The following ANP32A variants were observed in gnomAD, a reference collection of about 807,000 sequenced individuals.
ANP32A encodes the protein acidic nuclear phosphoprotein 32 family member A, also known as acidic leucine-rich nuclear phosphoprotein 32 family member A.
ANP32A carries 1 observed loss-of-function variant against 33.9 expected under a neutral mutation model. The ratio of observed to expected loss-of-function variants is 0.03; its 90% CI spans 0.01 to 0.14. The LOEUF (loss-of-function observed/expected upper bound fraction) is 0.14. ANP32A is among the 10% of genes least tolerant of loss of function. ANP32A has a pLI of 1.00. For missense variants in ANP32A, 155 were observed against 306.0 expected, an observed-to-expected ratio of 0.51 and a Z score of 3.68; for synonymous variants, 115 against 120.5, an observed-to-expected ratio of 0.95 and a Z score of 0.30.
chr15:68,817,358 C>T (rs1894396884), intron 1 of ANP32A: 1 of 152,332 alleles, frequency 6.6e-6, no homozygotes, highest in Non-Finnish European at 1.5e-5. Flanking sequence ...GCTGCAACAT[C>T]CACCTGAAAC....
chr15:68,819,263 G>C (rs1369528501), intron 1 of ANP32A, among the ~76,000 whole-genome samples: 1 of 151,774 alleles, frequency 6.6e-6, no homozygotes, highest in Non-Finnish European at 1.5e-5. Context: ...GTCCCCCCAA[G>C]GGGCCAAGAG....
Position 68,787,264 on chromosome 15 carries a change from C to T in ANP32A, c.327+149G>A, listed in dbSNP as rs1893944307. 1.2e-5 allele frequency: 14 copies of T among 1,160,596 alleles called. No individual in the cohort carries two copies. In the South Asian group the frequency reaches 2.1e-4, roughly 17 times the overall value. 71.9% of individuals were successfully genotyped at this position (1,160,596 alleles called of 1,614,324 possible). ...GGCCTCAGTTTCTCTATGGACTCAG[C>T]AGAAACAATAGCTCAATTCTATCTC... On this transcript the variant is annotated intron_variant, in intron 3 of 6. Coordinates refer to ENST00000465139, the MANE Select transcript of ANP32A (RefSeq NM_006305.4).
chr15:68,816,028 C>T (rs1894375414), intron 1 of ANP32A, among the ~76,000 whole-genome samples: 2 of 152,180 alleles, frequency 1.3e-5, no homozygotes, highest in African/African-American at 4.8e-5. Flanking sequence ...AAGGCCAGAT[C>T]CACTTCAACC....
At chr15:68,797,692 C>T (rs900304004) in intron 1 of ANP32A, among the ~76,000 whole-genome samples, 3 of 152,166 alleles carry the variant, frequency 2.0e-5, no homozygotes, top group Non-Finnish European at 4.4e-5. Flanking sequence ...TTGCATGTTA[C>T]GGTTTACAAA....
At chr15:68,807,128 T>A (rs1456222865) in intron 1 of ANP32A, among the ~76,000 whole-genome samples, 1 of 152,212 alleles carries the variant, frequency 6.6e-6, no homozygotes, top group African/African-American at 2.4e-5. Flanking sequence ...TCCCCAGGAC[T>A]TTTACCTTTA....
intron 1 of ANP32A, among the ~76,000 whole-genome samples, chr15:68,816,170 T>A (rs1894377561): frequency 6.6e-6 from 1 of 152,156 alleles, no homozygotes; most frequent in African/African-American, 2.4e-5. Flanking sequence ...CATTTCAGCG[T>A]CTTCAATAAT....
chr15:68,814,785 C>T (rs1250197269), intron 1 of ANP32A, among the ~76,000 whole-genome samples: 1 of 146,386 alleles, frequency 6.8e-6, no homozygotes, highest in Non-Finnish European at 1.5e-5. Flanking sequence ...CTAGAGATTC[C>T]AGGATTATCT....
At chr15:68,807,769 C>T (rs983382455) in intron 1 of ANP32A, among the ~76,000 whole-genome samples, 5 of 152,208 alleles carry the variant, frequency 3.3e-5, no homozygotes, top group Admixed American at 3.3e-4. Flanking sequence ...GGTGACCTGC[C>T]AACATCCTCA....
chr15:68,785,934 G>A (rs754646732), intron 3 of ANP32A, among the ~76,000 whole-genome samples: 3 of 152,178 alleles, frequency 2.0e-5, no homozygotes, highest in Non-Finnish European at 4.4e-5. Flanking sequence ...TTTTTCCTAG[G>A]AGACCAGTGA....
rs111968600 is a variant in ANP32A, at chr15:68,814,927, T to C, written c.54+5771A>G. Among the ~76,000 whole-genome samples, 1,075 of 152,316 alleles carry C rather than the reference T, an allele frequency of 7.1e-3. 10 individuals carry two copies. The highest frequency in any genetic ancestry group is 0.025 in the African/African-American group (1,034 of 41,564). Reference sequence around the variant, plus strand: ...CTCTTTCTATCTCTGAGATGACATCTAGAACCTAAGAGTGACCATTCAACT... The same window carrying C: ...CTCTTTCTATCTCTGAGATGACATCCAGAACCTAAGAGTGACCATTCAACT... On this transcript the variant is annotated intron_variant, in intron 1 of 6. Coordinates refer to ENST00000465139, the MANE Select transcript of ANP32A (RefSeq NM_006305.4).
At chr15:68,805,338 C>T (rs924073951) in intron 1 of ANP32A, among the ~76,000 whole-genome samples, 1 of 152,224 alleles carries the variant, frequency 6.6e-6, no homozygotes, top group Non-Finnish European at 1.5e-5. Flanking sequence ...GGCAGTCAGC[C>T]GTTGCCTTAC....
At chr15:68,815,468 A>G (rs1894368308) in intron 1 of ANP32A, among the ~76,000 whole-genome samples, 1 of 152,220 alleles carries the variant, frequency 6.6e-6, no homozygotes, top group Non-Finnish European at 1.5e-5. Context: ...TTTTGGGAGA[A>G]TAACATTTCA....
At position 68,780,010 on chromosome 15, in the gene ANP32A, G is replaced by GC; in HGVS notation, c.*70_*71insG. On this transcript the variant is annotated 3_prime_UTR_variant, in exon 7 of 7. Coordinates refer to ENST00000465139, the MANE Select transcript of ANP32A (RefSeq NM_006305.4). The surrounding 1 kb of genome is among the most constrained non-coding windows in gnomAD (Gnocchi z 4.3). ...AAGTTTCAGGGGGCAGGATTGGAGG[G>GC]GGGGGGGAGAGGGGATATGGGTAAA... 1 of 1,408,282 alleles carries GC rather than the reference G, an allele frequency of 7.1e-7. No homozygotes were observed. Among genetic ancestry groups the GC allele is most frequent in the Admixed American group, 1.9e-5 (1 of 53,596 alleles). 87.2% of individuals were successfully genotyped at this position (1,408,282 alleles called of 1,614,324 possible).
chr15:68,787,540 A>G lies in ANP32A; in HGVS notation c.205-5T>C, dbSNP rs1350953605. 4 of 1,614,172 alleles carry G rather than the reference A, an allele frequency of 2.5e-6. No individual in the cohort carries two copies. Among genetic ancestry groups the G allele is most frequent in the Non-Finnish European group, 8.5e-7 (1 of 1,180,020 alleles). ...TCTGTTATCGCTTAGTTCAAGCTAAATAAGGCAGGGAAAGAAAAAGCAGAA... is the reference window on the plus strand; with the variant it reads ...TCTGTTATCGCTTAGTTCAAGCTAAGTAAGGCAGGGAAAGAAAAAGCAGAA... On this transcript the variant is annotated splice_region_variant and splice_polypyrimidine_tract_variant and intron_variant, in intron 2 of 6. Transcript: ENST00000465139.
chr15:68,792,029 C>T (rs960943867), intron 1 of ANP32A: 1 of 152,564 alleles, frequency 6.6e-6, no homozygotes, highest in African/African-American at 2.4e-5. Context: ...CACCCCTGAA[C>T]TCTTGCTACA....
At chr15:68,790,465 T>C (rs1440781164) in intron 1 of ANP32A, 1 of 152,194 alleles carries the variant, frequency 6.6e-6, no homozygotes, top group Non-Finnish European at 1.5e-5. Flanking sequence ...ACGAGGCCAG[T>C]CCCTGGCTCC....
chr15:68,816,773 A>C (rs1894388176), intron 1 of ANP32A, among the ~76,000 whole-genome samples: 1 of 152,196 alleles, frequency 6.6e-6, no homozygotes, highest in African/African-American at 2.4e-5. Context: ...GGAGGAATTC[A>C]AACCCAGGTC....
chr15:68,814,632 C>A (rs1459433062), intron 1 of ANP32A, among the ~76,000 whole-genome samples: 1 of 152,086 alleles, frequency 6.6e-6, no homozygotes. Flanking sequence ...CTCCCCTTGA[C>A]CTGGCCAATT....
At position 68,784,590 on chromosome 15, in the gene ANP32A, C is replaced by A. The variant is rs1373554025; in HGVS notation, c.333G>T (p.Lys111Asn). Residue 111 changes from lysine (K) to asparagine (N), a missense_variant, in exon 4 of 7, where the codon AAG (lysine) becomes AAT (asparagine). Around this residue, in one of 4 missense-constraint regions of ANP32A, gnomAD observed 85 missense variants for 183.8 expected, o/e 0.46. Coordinates refer to ENST00000465139, the MANE Select transcript of ANP32A (RefSeq NM_006305.4). ...GGTCTAAGCTCTTGAGGTTTTCTAA[C>A]TTTTTCTGCAAGCGGAAAAATGAAG... ...KDLSTIEPLK[K>N]LENLKSLDLF... The A allele has an allele frequency of 1.2e-6, 2 of 1,614,120 alleles. No homozygotes were observed. Among genetic ancestry groups the A allele is most frequent in the African/African-American group, 2.7e-5 (2 of 75,016 alleles).
Sources: gnomAD v4.1 joint callset for allele counts (sites outside exome capture counted in the v4.1 genomes callset) on GRCh38, gnomAD v4.1.1 for gene constraint, gnomAD v4.1.1 regional missense constraint, Gnocchi (gnomAD v3.1) non-coding constraint, MANE v1.5 for transcripts, NCBI Gene and HGNC (gene_info 2026-07-23, HGNC 2026-07-21) for gene names.